The following BNIP5 variants were observed in gnomAD, a reference collection of about 807,000 sequenced individuals.
BNIP5 encodes the protein BCL2 interacting protein 5, also known as protein BNIP5.
In BNIP5, 61 loss-of-function variants were observed where a neutral mutation model predicts 67.3. The observed-to-expected ratio is 0.91, with a 90% CI of 0.74 to 1.12. The LOEUF (loss-of-function observed/expected upper bound fraction) is 1.12. Ranked by LOEUF, BNIP5 falls within the 50% of genes most tolerant of loss-of-function variation. BNIP5 has a pLI of 0.00. For missense variants in BNIP5, 826 were observed against 816.3 expected (o/e 1.01, Z -0.14); for synonymous variants, 317 against 319.0 (o/e 0.99, Z 0.07).
intron 1 of BNIP5, among the ~76,000 whole-genome samples, chr6:36,331,455 G>T (rs906779791): frequency 1.3e-5 from 2 of 152,112 alleles, no homozygotes; most frequent in Non-Finnish European, 2.9e-5. Context: ...AATGGAAAAC[G>T]AATACAGCCG....
At chr6:36,324,370 C>T (rs537923696) in intron 6 of BNIP5, among the ~76,000 whole-genome samples, 180 bp from the exon 7 acceptor site, 15 of 151,114 alleles carry the variant, frequency 9.9e-5, no homozygotes, top group South Asian at 4.2e-4. Context: ...TTACCAATGA[C>T]GGCCTCTAAA....
At chr6:36,323,941 A>G (rs1234262492) in intron 7 of BNIP5, among the ~76,000 whole-genome samples, 188 bp downstream of exon 7, 5 of 149,776 alleles carry the variant, frequency 3.3e-5, no homozygotes, top group Non-Finnish European at 5.9e-5. Context: ...TGGAGGTTGT[A>G]GTGGGCCATG....
At chr6:36,332,265 G>A (rs1316522896) in intron 1 of BNIP5, among the ~76,000 whole-genome samples, 2 of 152,128 alleles carry the variant, frequency 1.3e-5, no homozygotes, top group African/African-American at 4.8e-5. Flanking sequence ...TGGAAAGAAT[G>A]AGTTTGTTCA....
Position 36,324,207 on chromosome 6 carries a change from C to A in BNIP5, c.1169-17G>T, listed in dbSNP as rs371362850. On this transcript the variant is annotated splice_polypyrimidine_tract_variant and intron_variant, in intron 6 of 11. Coordinates refer to ENST00000437635, the MANE Select transcript of BNIP5 (RefSeq NM_001010903.5). The stretch of plus-strand genomic sequence containing the variant: ...TGAATTCTTCTGAAAAAGATCAACA[C>A]GCATGGTTAACTTTGGTGCTACGAA... 6 of 1,609,854 alleles carry A rather than the reference C, an allele frequency of 3.7e-6. No homozygotes were observed. The highest frequency in any genetic ancestry group is 1.7e-4 in the Middle Eastern group (1 of 6,054).
chr6:36,329,422 A>G (rs184193163), intron 2 of BNIP5, among the ~76,000 whole-genome samples: 2 of 152,334 alleles, frequency 1.3e-5, no homozygotes, highest in Non-Finnish European at 2.9e-5. Context: ...CTCAGAGAGG[A>G]AAGCTGCCTC....
chr6:36,323,237 A>G (rs757394121), intron 8 of BNIP5, 56 bp downstream of exon 8: 26 of 1,608,116 alleles, frequency 1.6e-5, no homozygotes, highest in Non-Finnish European at 2.1e-5. Flanking sequence ...CAGGCCACAC[A>G]GCAGCCTTGC....
chr6:36,321,157 G>A lies in BNIP5; in HGVS notation c.1666C>T (p.Gln556Ter). The A allele has an allele frequency of 6.3e-7, 1 of 1,584,624 alleles. No homozygotes were observed. The highest frequency in any genetic ancestry group is 8.6e-7 in the Non-Finnish European group (1 of 1,164,226). ...GGGGAGGGCTGAGTGGTACTCACCT[G>A]CTGCCCCAGTTGGCCATCCACTTCT... ...LQEVDGQLGQ[Q>*]IRRHPSFKRF... Residue 556 changes from glutamine to a stop codon, truncating the protein, a stop_gained and splice_region_variant, in exon 10 of 12, where the codon CAG (glutamine) becomes TAG (stop). Coordinates refer to ENST00000437635, the MANE Select transcript of BNIP5 (RefSeq NM_001010903.5). LOFTEE classifies it high-confidence loss of function.
intron 2 of BNIP5, 127 bp downstream of exon 2, chr6:36,329,942 GAGGAAGGAAGGA>G (rs901398357): frequency 4.7e-6 from 4 of 842,612 alleles, no homozygotes; most frequent in African/African-American, 1.7e-5. Flanking sequence ...GGAAGGGAGG[GAGGAAGGAAGGA>G]AGGAAGTCAC....
At chr6:36,324,231 A>G (rs771973818) in intron 6 of BNIP5, 41 bp from the exon 7 acceptor site, 1 of 1,555,130 alleles carries the variant, frequency 6.4e-7, no homozygotes, top group East Asian at 2.2e-5. Context: ...TGGTGCTACG[A>G]AATCTCTTCT....
rs1561879401 is a variant in BNIP5, at chr6:36,317,193, T to G, written c.*163A>C. On this transcript the variant is annotated 3_prime_UTR_variant, in exon 12 of 12. Coordinates refer to ENST00000437635, the MANE Select transcript of BNIP5 (RefSeq NM_001010903.5). ...TGCCTTGTGGAAGAATGCTCTGTGC[T>G]TCTCAGATACTAGGGTATGGACACA... 5.8e-6 allele frequency: 4 copies of G among 684,732 alleles called. No homozygotes were observed. 42.4% of individuals were successfully genotyped at this position (684,732 alleles called of 1,614,324 possible).
At chr6:36,323,664 G>C (rs1007670166) in intron 7 of BNIP5, 131 bp from the exon 8 acceptor site, 24 of 1,032,106 alleles carry the variant, frequency 2.3e-5, no homozygotes, top group Non-Finnish European at 3.2e-5. Flanking sequence ...TCAGTGCTGG[G>C]GAAATATGTG....
rs1409266898 is a variant in BNIP5 at position 36,326,615 on chromosome 6, T to C, written c.931A>G (p.Arg311Gly). The change falls in exon 5 of 12, where the codon AGG becomes GGG. Residue 311 changes from arginine (R) to glycine (G), a missense_variant. Physicochemically the swap from Arg to Gly is moderately radical, Grantham distance 125 (BLOSUM62 -2). Coordinates refer to ENST00000437635, the MANE Select transcript of BNIP5 (RefSeq NM_001010903.5). Reference sequence around the variant, plus strand: ...GGACTGGAAACATCTGCAGCCCCCCTCTTGGCCTCCTCGGAGCCGTGTTTC... The same window carrying C: ...GGACTGGAAACATCTGCAGCCCCCCCCTTGGCCTCCTCGGAGCCGTGTTTC... ...PKKHGSEEAKRGAADVSSPEA... is the reference protein window; with the variant it reads ...PKKHGSEEAKGGAADVSSPEA... The C allele has an allele frequency of 4.3e-6, 7 of 1,614,248 alleles. No individual in the cohort carries two copies. The highest frequency in any genetic ancestry group is 4.0e-5 in the African/African-American group (3 of 75,060).
At chr6:36,317,575 C>T (rs1010956335) in intron 11 of BNIP5, among the ~76,000 whole-genome samples, 184 bp from the exon 12 acceptor site, 1 of 152,156 alleles carries the variant, frequency 6.6e-6, no homozygotes, top group Non-Finnish European at 1.5e-5. Flanking sequence ...GACAGCCTCC[C>T]CATTCTCAAA....
intron 1 of BNIP5, among the ~76,000 whole-genome samples, chr6:36,332,334 C>T (rs1471108993): frequency 6.7e-6 from 1 of 148,748 alleles, no homozygotes; most frequent in Non-Finnish European, 1.5e-5. Context: ...CCATCGAGGC[C>T]CTCCCTGCCT....
Position 36,326,772 on chromosome 6 carries a change from A to G in BNIP5, c.793-19T>C. On this transcript the variant is annotated intron_variant, in intron 4 of 11. Transcript: ENST00000437635. Reference sequence around the variant, plus strand: ...GAGATTGCTGTTGGGGAGAGGAGAAAAACTGGTCAGGTTCATGACACTGAG... The same window carrying G: ...GAGATTGCTGTTGGGGAGAGGAGAAGAACTGGTCAGGTTCATGACACTGAG... 6.2e-7 allele frequency: 1 copy of G among 1,613,314 alleles called. No individual in the cohort carries two copies. Among genetic ancestry groups the G allele is most frequent in the Non-Finnish European group, 8.5e-7 (1 of 1,179,946 alleles).
At chr6:36,321,361 T>C (rs1771633054) in intron 9 of BNIP5, 142 bp from the exon 10 acceptor site, 1 of 668,294 alleles carries the variant, frequency 1.5e-6, no homozygotes, top group Non-Finnish European at 2.7e-6. Flanking sequence ...TTAGTTATGA[T>C]GGACCCAGAC....
At chr6:36,323,630 T>C in intron 7 of BNIP5, 97 bp from the exon 8 acceptor site, 8 of 1,390,206 alleles carry the variant, frequency 5.8e-6, no homozygotes, top group Middle Eastern at 2.5e-4. Flanking sequence ...TAGCAGGCGT[T>C]GCCCAGAGAA....
chr6:36,325,581 C>A (rs1399403868), intron 5 of BNIP5, among the ~76,000 whole-genome samples, 167 bp from the exon 6 acceptor site: 2 of 152,196 alleles, frequency 1.3e-5, no homozygotes, highest in African/African-American at 4.8e-5. Context: ...TTTACTGGCC[C>A]AGACCGAGTT....
chr6:36,330,724 T>G, intron 1 of BNIP5, 30 bp from the exon 2 acceptor site: 3 of 1,519,574 alleles, frequency 2.0e-6, no homozygotes, highest in Non-Finnish European at 2.6e-6. Context: ...CTCCCTTAGT[T>G]TTTTTGTTTG....
Sources: allele counts gnomAD v4.1 joint callset (sites outside exome capture counted in the v4.1 genomes callset), GRCh38; gene constraint gnomAD v4.1.1; transcripts MANE v1.5; gene names NCBI Gene and HGNC (gene_info 2026-07-23, HGNC 2026-07-21).